Variants in ITK observed in about 807,000 individuals in gnomAD.
ITK encodes tyrosine-protein kinase ITK/TSK.
In ITK, 45 loss-of-function variants were observed where a neutral mutation model predicts 87.6. The ratio of observed to expected loss-of-function variants is 0.51; its 90% CI spans 0.40 to 0.66. The LOEUF (loss-of-function observed/expected upper bound fraction) is 0.66, where lower values mean the gene tolerates loss of function less well. Among genes scored for constraint, ITK ranks in the 30% least tolerant of loss-of-function variants. The pLI, the probability that ITK is intolerant of heterozygous loss-of-function variation, is 0.00. For synonymous variants in ITK, 303 were observed against 273.6 expected, an observed-to-expected ratio of 1.11 and a Z score of -1.06; for missense variants, 605 against 766.3, an observed-to-expected ratio of 0.79 and a Z score of 2.48.
intron 5 of ITK, among the ~76,000 whole-genome samples, chr5:157,222,059 G>C (rs1754430322): frequency 6.6e-6 from 1 of 151,954 alleles, no homozygotes; most frequent in Admixed American, 6.6e-5. Flanking sequence ...TCTTTTTTCA[G>C]CTCCAGTATT....
rs187777384 is a variant in ITK, at chr5:157,252,765, C to T, written c.*87C>T. 186 of 1,052,582 alleles carry T rather than the reference C, an allele frequency of 1.8e-4. No individual in the cohort carries two copies. Among genetic ancestry groups the T allele is most frequent in the Middle Eastern group, 1.6e-3 (7 of 4,344 alleles). The allele number at this position is 1,052,582 out of a possible 1,614,324, so 65.2% of individuals were successfully genotyped here. On this transcript the variant is annotated 3_prime_UTR_variant, in exon 17 of 17. Transcript: ENST00000422843. ...TCCATAGAGCATTAGAAGCTGCCAC[C>T]AGCCCAGGACCCTCCAGAGGCAGCC...
Position 157,252,715 on chromosome 5 carries a change from G to A in ITK, c.*37G>A, listed in dbSNP as rs1356408331. 3.5e-6 allele frequency: 5 copies of A among 1,448,914 alleles called. No homozygotes were observed. The highest frequency in any genetic ancestry group is 2.3e-5 in the South Asian group (2 of 87,754). The allele number at this position is 1,448,914 out of a possible 1,614,324, so 89.8% of individuals were successfully genotyped here. A position where few individuals can be genotyped will look rare whatever the true frequency, so the allele number is the denominator to read the frequency against. ...TACCAGGCCACGGGCTGCAGATCCTGAATGGAGGAAGGATATGTCCTCATT... is the reference window on the plus strand; with the variant it reads ...TACCAGGCCACGGGCTGCAGATCCTAAATGGAGGAAGGATATGTCCTCATT... On this transcript the variant is annotated 3_prime_UTR_variant, in exon 17 of 17. Coordinates refer to ENST00000422843, the MANE Select transcript of ITK (RefSeq NM_005546.4).
intron 1 of ITK, among the ~76,000 whole-genome samples, chr5:157,187,295 C>T (rs919459830): frequency 1.3e-5 from 2 of 152,206 alleles, no homozygotes; most frequent in African/African-American, 4.8e-5. Flanking sequence ...AGAGCAGGCA[C>T]CCAAGTTGAT....
intron 1 of ITK, among the ~76,000 whole-genome samples, chr5:157,192,592 G>A (rs1396043849): frequency 1.3e-5 from 2 of 152,170 alleles, no homozygotes; most frequent in Non-Finnish European, 2.9e-5. Context: ...AAAATCAAAG[G>A]ATTCAGCTGA....
At chr5:157,212,031 G>A (rs189853256) in intron 3 of ITK, among the ~76,000 whole-genome samples, 122 of 152,360 alleles carry the variant, frequency 8.0e-4, no homozygotes, top group African/African-American at 2.7e-3. Flanking sequence ...GTTAGAGGCA[G>A]CAGTGTTTAA....
At chr5:157,182,359 T>A (rs1193165336) in intron 1 of ITK, among the ~76,000 whole-genome samples, 4 of 152,184 alleles carry the variant, frequency 2.6e-5, no homozygotes, top group Non-Finnish European at 5.9e-5. Flanking sequence ...GAGGTCAGGC[T>A]GGGTATAGAG....
At chr5:157,212,196 A>G (rs1754205591) in intron 3 of ITK, among the ~76,000 whole-genome samples, 1 of 152,194 alleles carries the variant, frequency 6.6e-6, no homozygotes, top group African/African-American at 2.4e-5. Context: ...ATGATTGAGG[A>G]CTTAGAAAAA....
chr5:157,216,223 T>A (rs892533594), intron 4 of ITK, among the ~76,000 whole-genome samples: 2 of 152,224 alleles, frequency 1.3e-5, no homozygotes, highest in African/African-American at 4.8e-5. Flanking sequence ...CTTATGGTCA[T>A]CACCCTGGAT....
intron 2 of ITK, among the ~76,000 whole-genome samples, chr5:157,209,402 A>G (rs1256833988): frequency 1.3e-5 from 2 of 151,816 alleles, no homozygotes; most frequent in Non-Finnish European, 2.9e-5. Flanking sequence ...TCTCTGCTCC[A>G]AGGTTAGGAC....
chr5:157,231,827 G>A (rs1240162510), intron 7 of ITK, among the ~76,000 whole-genome samples: 1 of 152,194 alleles, frequency 6.6e-6, no homozygotes, highest in Admixed American at 6.5e-5. Context: ...TGGAAGAGCA[G>A]TCTTAAAGAG....
chr5:157,212,571 A>G (rs1189306443), intron 3 of ITK, among the ~76,000 whole-genome samples: 1 of 152,242 alleles, frequency 6.6e-6, no homozygotes, highest in African/African-American at 2.4e-5. Flanking sequence ...TTGTAATCCC[A>G]GCACTTTGGG....
chr5:157,214,912 G>C (rs1274526961), intron 4 of ITK, among the ~76,000 whole-genome samples: 1 of 152,124 alleles, frequency 6.6e-6, no homozygotes, highest in Non-Finnish European at 1.5e-5. Flanking sequence ...TCAGAGAGGA[G>C]AAGGCCGCAG....
chr5:157,229,945 C>T (rs4122648), intron 7 of ITK, among the ~76,000 whole-genome samples: 31,141 of 152,124 alleles, frequency 0.2, 4,137 homozygotes, highest in East Asian at 0.54. Context: ...ATTAAAGACA[C>T]ATGGTAACTA....
chr5:157,194,737 GT>G (rs1198609528), intron 1 of ITK, among the ~76,000 whole-genome samples: 1 of 152,158 alleles, frequency 6.6e-6, no homozygotes, highest in African/African-American at 2.4e-5. Flanking sequence ...AGAAATAAGT[GT>G]TTTAAAATTT....
Position 157,243,701 on chromosome 5 carries a change from G to T in ITK, c.1139G>T (p.Gly380Val). The stretch of plus-strand genomic sequence containing the variant: ...GGGCAATTTGGGTTGGTGCATCTGG[G>T]CTACTGGCTCAACAAGGACAAGGTG... ...GSGQFGLVHLGYWLNKDKVAI... is the reference protein window; with the variant it reads ...GSGQFGLVHLVYWLNKDKVAI... Residue 380 changes from glycine to valine, a missense_variant, in exon 12 of 17, where the codon GGC becomes GTC. By Grantham distance (109) the Gly-to-Val change is moderately radical. This residue lies in a region of ITK where 464 missense variants were observed against 578.0 expected (regional missense o/e 0.80). Coordinates refer to ENST00000422843, the MANE Select transcript of ITK (RefSeq NM_005546.4). 1 of 1,613,880 alleles carries T rather than the reference G, an allele frequency of 6.2e-7. No homozygotes were observed. Among genetic ancestry groups the T allele is most frequent in the Non-Finnish European group, 8.5e-7 (1 of 1,179,986 alleles).
chr5:157,181,424 G>A (rs1408414820), intron 1 of ITK, among the ~76,000 whole-genome samples: 1 of 152,030 alleles, frequency 6.6e-6, no homozygotes, highest in East Asian at 1.9e-4. Flanking sequence ...ATTATGATTC[G>A]ATAAAACTTG....
At chr5:157,232,842 C>T (rs542151297) in intron 8 of ITK, among the ~76,000 whole-genome samples, 5 of 152,178 alleles carry the variant, frequency 3.3e-5, no homozygotes, top group Admixed American at 1.3e-4. Flanking sequence ...GTGGTGATGG[C>T]TGGCCATGGG....
chr5:157,180,941 T>A lies in ITK; in HGVS notation c.-37T>A, dbSNP rs1302706497. The A allele has an allele frequency of 5.0e-6, 8 of 1,610,654 alleles. No individual in the cohort carries two copies. The South Asian group carries it at 7.7e-5, about 15-fold the overall frequency. The stretch of plus-strand genomic sequence containing the variant: ...TCTTTCCTTTGGTTGTGCTAAGAGG[T>A]GATGCCCAAGGTGCACCACCTTTCA... On this transcript the variant is annotated 5_prime_UTR_variant, in exon 1 of 17. Coordinates refer to ENST00000422843, the MANE Select transcript of ITK (RefSeq NM_005546.4).
intron 1 of ITK, among the ~76,000 whole-genome samples, chr5:157,199,999 C>T (rs547942119): frequency 6.6e-6 from 1 of 151,874 alleles, no homozygotes; most frequent in African/African-American, 2.4e-5. Context: ...AGCAGAGCAG[C>T]TCCTTCTCTG....
Sources: gnomAD v4.1 joint callset for allele counts (sites outside exome capture counted in the v4.1 genomes callset) on GRCh38, gnomAD v4.1.1 for gene constraint, gnomAD v4.1.1 regional missense constraint, MANE v1.5 for transcripts, NCBI Gene and HGNC (gene_info 2026-07-23, HGNC 2026-07-21) for gene names.